KCNQ3: variants seen among roughly 807,000 people sequenced by gnomAD.
KCNQ3 encodes potassium voltage-gated channel subfamily KQT member 3.
Under a neutral mutation model 92.5 loss-of-function variants are expected in KCNQ3, and 30 were observed. The observed-to-expected ratio is 0.32, with a 90% CI of 0.24 to 0.44. KCNQ3 has a LOEUF of 0.44. Among genes scored for constraint, KCNQ3 ranks in the 20% least tolerant of loss-of-function variants. KCNQ3 has a pLI of 1.00. For synonymous variants in KCNQ3, 450 were observed against 468.8 expected (o/e 0.96, Z 0.52); for missense variants, 913 against 1,140.3 (o/e 0.80, Z 2.87).
chr8:132,184,219 G>A, intron 3 of KCNQ3, 22 bp downstream of exon 3: 1 of 1,614,124 alleles, frequency 6.2e-7, no homozygotes, highest in Non-Finnish European at 8.5e-7. Flanking sequence ...AGGAGGCTGG[G>A]AGGCTCAGGG....
At chr8:132,318,435 G>A (rs1277162016) in intron 1 of KCNQ3, among the ~76,000 whole-genome samples, 1 of 152,182 alleles carries the variant, frequency 6.6e-6, no homozygotes, top group Non-Finnish European at 1.5e-5. Flanking sequence ...GAGGGAATCT[G>A]TTTGTAAGAC....
At chr8:132,255,414 G>A (rs1021814979) in intron 1 of KCNQ3, among the ~76,000 whole-genome samples, 2 of 152,060 alleles carry the variant, frequency 1.3e-5, no homozygotes, top group Non-Finnish European at 2.9e-5. Context: ...AATATGAGTT[G>A]GGGAAAATAA....
intron 1 of KCNQ3, among the ~76,000 whole-genome samples, chr8:132,197,323 C>A (rs1420509010): frequency 6.6e-6 from 1 of 152,212 alleles, no homozygotes; most frequent in Non-Finnish European, 1.5e-5. Context: ...TGTTCCATGC[C>A]TATGTCCTCC....
intron 1 of KCNQ3, among the ~76,000 whole-genome samples, chr8:132,249,440 G>A (rs1242443267): frequency 6.6e-6 from 1 of 152,182 alleles, no homozygotes; most frequent in Non-Finnish European, 1.5e-5. Flanking sequence ...ACTGATAAGT[G>A]CATTTACAAA....
chr8:132,168,914 C>T (rs745843345), intron 8 of KCNQ3, among the ~76,000 whole-genome samples: 8 of 151,904 alleles, frequency 5.3e-5, no homozygotes, highest in Non-Finnish European at 1.2e-4. Flanking sequence ...AACTATGAGG[C>T]TAACTGTCCA....
chr8:132,353,805 T>G (rs1363523560), intron 1 of KCNQ3, among the ~76,000 whole-genome samples: 1 of 152,064 alleles, frequency 6.6e-6, no homozygotes, highest in African/African-American at 2.4e-5. Flanking sequence ...CAGAGTGAGA[T>G]TCTGCCTCAA....
chr8:132,323,837 A>C (rs1175063037), intron 1 of KCNQ3, among the ~76,000 whole-genome samples: 2 of 152,124 alleles, frequency 1.3e-5, no homozygotes, highest in African/African-American at 4.8e-5. Context: ...GTAGTCTTAA[A>C]AAAAACATAT....
chr8:132,286,321 C>A (rs1480017440), intron 1 of KCNQ3, among the ~76,000 whole-genome samples: 1 of 152,194 alleles, frequency 6.6e-6, no homozygotes, highest in Non-Finnish European at 1.5e-5. Context: ...GGGAGCCCAG[C>A]CCCATTCCAG....
chr8:132,148,558 G>C (rs1302409565), intron 9 of KCNQ3, among the ~76,000 whole-genome samples: 20 of 152,232 alleles, frequency 1.3e-4, no homozygotes. Context: ...ACTGAGCCAA[G>C]GGATCCTCAG....
intron 1 of KCNQ3, among the ~76,000 whole-genome samples, chr8:132,448,502 G>GAAAAAAAAAA: frequency 1.3e-4 from 12 of 93,870 alleles, no homozygotes; most frequent in African/African-American, 2.5e-4. Flanking sequence ...GGAGAAATAT[G>GAAAAAAAAAA]AAAAAAAAAA....
At chr8:132,380,446 G>A (rs2608209) in intron 1 of KCNQ3, among the ~76,000 whole-genome samples, 14,020 of 152,142 alleles carry the variant, frequency 0.092, 764 homozygotes, top group Admixed American at 0.17. Context: ...ATCAGAAGCC[G>A]GATGAAGAAG....
In KCNQ3 at chr8:132,125,882, T is replaced by C. The variant is rs1824648886; in HGVS notation, c.*3380A>G. 2 of 152,252 alleles carry C rather than the reference T, an allele frequency of 1.3e-5. No homozygotes were observed. The highest frequency in any genetic ancestry group is 2.9e-5 in the Non-Finnish European group (2 of 68,048). 9.4% of individuals were successfully genotyped at this position (152,252 alleles called of 1,614,324 possible). On this transcript the variant is annotated 3_prime_UTR_variant, in exon 15 of 15. Coordinates refer to ENST00000388996, the MANE Select transcript of KCNQ3 (RefSeq NM_004519.4). ...ACACTTTCTCAATTTGATGTGTTTT[T>C]CTTTTCCTGAAATAATTTTTTTCTT... is the stretch of plus-strand genomic sequence containing the variant.
In KCNQ3 at chr8:132,467,159, G is replaced by A. The variant is rs559473392; in HGVS notation, c.386+12988C>T. Among the ~76,000 whole-genome samples the A allele has an allele frequency of 5.9e-5, 9 of 152,284 alleles. No homozygotes were observed. The Middle Eastern group carries it at 0.01, about 173-fold the overall frequency. On this transcript the variant is annotated intron_variant, in intron 1 of 14. Coordinates refer to ENST00000388996, the MANE Select transcript of KCNQ3 (RefSeq NM_004519.4). ...AGTCAAATGAGTTACAGAAACTAGAGAGTAAATCAGCAGAAGACTCAAGGT... is the reference window on the plus strand; with the variant it reads ...AGTCAAATGAGTTACAGAAACTAGAAAGTAAATCAGCAGAAGACTCAAGGT...
intron 1 of KCNQ3, among the ~76,000 whole-genome samples, chr8:132,229,114 C>T (rs1413467917): frequency 2.0e-5 from 3 of 151,952 alleles, no homozygotes; most frequent in Non-Finnish European, 2.9e-5. Context: ...ATTAGCTGGG[C>T]GTGGTGGCAC....
chr8:132,199,710 C>A (rs1366062935), intron 1 of KCNQ3, among the ~76,000 whole-genome samples: 2 of 152,122 alleles, frequency 1.3e-5, no homozygotes, highest in South Asian at 2.1e-4. Context: ...AGGAGTTCGA[C>A]ACCAGCCTGG....
At chr8:132,404,989 G>A (rs2597339) in intron 1 of KCNQ3, among the ~76,000 whole-genome samples, 3 of 152,076 alleles carry the variant, frequency 2.0e-5, no homozygotes, top group Non-Finnish European at 2.9e-5. Context: ...ACAAAGCAAG[G>A]GTCTTGCTGT....
chr8:132,189,427 T>G (rs1282857408), intron 1 of KCNQ3, among the ~76,000 whole-genome samples: 1 of 152,238 alleles, frequency 6.6e-6, no homozygotes, highest in African/African-American at 2.4e-5. Context: ...TAGGACTCCC[T>G]TAAGGGAAGG....
At chr8:132,407,667 C>T (rs1820527264) in intron 1 of KCNQ3, among the ~76,000 whole-genome samples, 1 of 152,208 alleles carries the variant, frequency 6.6e-6, no homozygotes, top group African/African-American at 2.4e-5. Flanking sequence ...TTGGCTTGTT[C>T]CCTTGTCTTT....
In KCNQ3 at chr8:132,127,439, G is replaced by A. The variant is rs1824708669; in HGVS notation, c.*1823C>T. 1 of 152,164 alleles carries A rather than the reference G, an allele frequency of 6.6e-6. No individual in the cohort carries two copies. Among genetic ancestry groups the A allele is most frequent in the African/African-American group, 2.4e-5 (1 of 41,448 alleles). 9.4% of individuals were successfully genotyped at this position (152,164 alleles called of 1,614,324 possible). A position where few individuals can be genotyped will look rare whatever the true frequency, so the allele number is the denominator to read the frequency against. On this transcript the variant is annotated 3_prime_UTR_variant, in exon 15 of 15. Transcript: ENST00000388996. ...CTGAGCTTTTTGTACAGTAACTGTT[G>A]ACATGTGAGTTGAAAGGAACCTATC...
Sources: gnomAD v4.1 joint callset for allele counts (sites outside exome capture counted in the v4.1 genomes callset) on GRCh38, gnomAD v4.1.1 for gene constraint, MANE v1.5 for transcripts, NCBI Gene and HGNC (gene_info 2026-07-23, HGNC 2026-07-21) for gene names.